The following PCDH15 variants were observed in gnomAD, a reference collection of about 807,000 sequenced individuals.
PCDH15 encodes protocadherin-15.
A neutral mutation model predicts 178.5 loss-of-function variants in PCDH15; 129 were observed. That is an observed-to-expected ratio of 0.72 (90% CI 0.63 to 0.84). The LOEUF (loss-of-function observed/expected upper bound fraction) is 0.84. PCDH15 is among the 40% of genes least tolerant of loss of function. PCDH15 has a pLI of 0.00. For missense variants in PCDH15, 2,230 were observed against 2,099.9 expected, an observed-to-expected ratio of 1.06 and a Z score of -1.21; for synonymous variants, 800 against 732.0, an observed-to-expected ratio of 1.09 and a Z score of -1.50.
intron 2 of PCDH15, among the ~76,000 whole-genome samples, chr10:55,558,743 C>A (rs1842137900): frequency 6.6e-6 from 1 of 151,964 alleles, no homozygotes. Context: ...CTAGTAATAT[C>A]ATATGTTTCT....
chr10:54,409,762 A>G (rs1953206913), intron 3 of PCDH15, among the ~76,000 whole-genome samples: 1 of 152,058 alleles, frequency 6.6e-6, no homozygotes, highest in South Asian at 2.1e-4. Flanking sequence ...GAGGTAATCA[A>G]GATTAGATAA....
intron 3 of PCDH15, among the ~76,000 whole-genome samples, chr10:54,521,206 G>A (rs2082826428): frequency 6.6e-6 from 1 of 151,944 alleles, no homozygotes; most frequent in Non-Finnish European, 1.5e-5. Context: ...AAAACTTAAA[G>A]CATAATAATA....
intron 2 of PCDH15, among the ~76,000 whole-genome samples, chr10:55,341,492 C>T (rs1374407123): frequency 2.6e-5 from 4 of 150,996 alleles, no homozygotes; most frequent in Non-Finnish European, 4.4e-5. Context: ...AAATGCTTTG[C>T]ATGTATCAAC....
chr10:55,581,350 C>T (rs1842610018), intron 2 of PCDH15, among the ~76,000 whole-genome samples: 1 of 151,582 alleles, frequency 6.6e-6, no homozygotes, highest in Non-Finnish European at 1.5e-5. Context: ...GCATTTATAA[C>T]TGGATATCTA....
intron 2 of PCDH15, among the ~76,000 whole-genome samples, chr10:55,053,164 T>G (rs149736486): frequency 6.6e-6 from 1 of 152,280 alleles, no homozygotes; most frequent in Non-Finnish European, 1.5e-5. Context: ...ATTAAAAAAA[T>G]CTTTCAACAT....
intron 2 of PCDH15, among the ~76,000 whole-genome samples, chr10:55,028,794 A>T (rs558111286): frequency 6.6e-6 from 1 of 152,158 alleles, no homozygotes; most frequent in East Asian, 1.9e-4. Flanking sequence ...GCTACACGAA[A>T]CTTTTAAAGA....
chr10:54,108,850 T>C (rs1445377650), intron 15 of PCDH15, among the ~76,000 whole-genome samples: 1 of 152,052 alleles, frequency 6.6e-6, no homozygotes, highest in Non-Finnish European at 1.5e-5. Context: ...CCATTTCAGG[T>C]TCTACCTCAT....
At chr10:54,740,124 A>T (rs1034953232) in intron 1 of PCDH15, among the ~76,000 whole-genome samples, 3 of 152,002 alleles carry the variant, frequency 2.0e-5, no homozygotes, top group African/African-American at 7.2e-5. Context: ...AAATATTTGT[A>T]AACTATCCAT....
At chr10:54,156,209 C>A (rs1189491107) in intron 13 of PCDH15, among the ~76,000 whole-genome samples, 1 of 152,200 alleles carries the variant, frequency 6.6e-6, no homozygotes, top group Non-Finnish European at 1.5e-5. Context: ...TATTCAGGAA[C>A]TTTAGCCCTA....
At chr10:53,860,033 T>C (rs1397637923) in intron 27 of PCDH15, among the ~76,000 whole-genome samples, 3 of 152,180 alleles carry the variant, frequency 2.0e-5, no homozygotes, top group Non-Finnish European at 4.4e-5. Context: ...CCTCTTCAAA[T>C]AGGAATTTCT....
intron 2 of PCDH15, among the ~76,000 whole-genome samples, chr10:54,651,767 A>C (rs1298757667): frequency 2.0e-5 from 3 of 152,210 alleles, no homozygotes; most frequent in Non-Finnish European, 4.4e-5. Flanking sequence ...CCCAACAATA[A>C]TACGTCATAC....
intron 2 of PCDH15, among the ~76,000 whole-genome samples, chr10:54,543,479 C>T (rs2085493458): frequency 6.6e-6 from 1 of 152,156 alleles, no homozygotes; most frequent in African/African-American, 2.4e-5. Flanking sequence ...CGATCCACAC[C>T]CCCAACGCAT....
Position 54,529,727 on chromosome 10 carries a change from G to C in PCDH15, c.92-1850C>G, listed in dbSNP as rs538882053. ...TAGATATTTCACATATTTGCACCTA[G>C]TGCGAATTAATTTTGATTAAAGCCT... On this transcript the variant is annotated intron_variant, in intron 2 of 37. Coordinates refer to ENST00000644397, the MANE Select transcript of PCDH15 (RefSeq NM_001384140.1). Among the ~76,000 whole-genome samples, 7 of 152,132 alleles carry C rather than the reference G, an allele frequency of 4.6e-5. No individual in the cohort carries two copies. The East Asian group carries it at 9.7e-4, about 21-fold the overall frequency.
intron 13 of PCDH15, among the ~76,000 whole-genome samples, chr10:54,175,783 T>G (rs1280160063): frequency 6.6e-6 from 1 of 152,184 alleles, no homozygotes; most frequent in African/African-American, 2.4e-5. Context: ...GTCATTATAT[T>G]AACTCACATT....
intron 19 of PCDH15, among the ~76,000 whole-genome samples, chr10:54,021,396 A>G (rs1457537632): frequency 6.6e-6 from 1 of 152,060 alleles, no homozygotes; most frequent in Non-Finnish European, 1.5e-5. Flanking sequence ...GAAAGATGCT[A>G]TTAAAGCATA....
chr10:54,911,857 G>T (rs1197630448), intron 2 of PCDH15, among the ~76,000 whole-genome samples: 2 of 152,072 alleles, frequency 1.3e-5, no homozygotes, highest in African/African-American at 4.8e-5. Context: ...GTTTCCTGAG[G>T]CCTCCCAGCC....
At chr10:53,860,513 T>C (rs2079033498) in intron 27 of PCDH15, among the ~76,000 whole-genome samples, 1 of 151,992 alleles carries the variant, frequency 6.6e-6, no homozygotes, top group Non-Finnish European at 1.5e-5. Flanking sequence ...GGCTGATCAA[T>C]TGAGGCCAAG....
intron 2 of PCDH15, among the ~76,000 whole-genome samples, chr10:54,980,576 T>A (rs1839206746): frequency 6.6e-6 from 1 of 152,134 alleles, no homozygotes; most frequent in African/African-American, 2.4e-5. Context: ...CCTAGATTTT[T>A]AACTCTCATT....
At chr10:55,037,267 TCTGTTGCCCAGG>T (rs1220195469) in intron 2 of PCDH15, among the ~76,000 whole-genome samples, 1 of 152,090 alleles carries the variant, frequency 6.6e-6, no homozygotes, top group African/African-American at 2.4e-5. Context: ...GGAGTCTCGC[TCTGTTGCCCAGG>T]CTGGAGTGCA....
Sources: gnomAD v4.1 joint callset for allele counts (sites outside exome capture counted in the v4.1 genomes callset) on GRCh38, gnomAD v4.1.1 for gene constraint, MANE v1.5 for transcripts, NCBI Gene and HGNC (gene_info 2026-07-23, HGNC 2026-07-21) for gene names.